FSTL4: variants seen among roughly 807,000 people sequenced by gnomAD.
FSTL4 encodes the protein follistatin-related protein 4.
FSTL4 carries 28 observed loss-of-function variants against 78.2 expected under a neutral mutation model. The ratio of observed to expected loss-of-function variants is 0.36; its 90% CI spans 0.27 to 0.49. The LOEUF (loss-of-function observed/expected upper bound fraction) is 0.49, where lower values mean the gene tolerates loss of function less well. Ranked by LOEUF, FSTL4 falls within the 20% of genes least tolerant of loss-of-function variation. FSTL4 has a pLI of 0.98. For missense variants in FSTL4, 922 were observed against 1,084.9 expected (o/e 0.85, Z 2.11); for synonymous variants, 422 against 440.5 (o/e 0.96, Z 0.53).
At chr5:133,533,993 T>C (rs1759305218) in intron 3 of FSTL4, among the ~76,000 whole-genome samples, 1 of 152,066 alleles carries the variant, frequency 6.6e-6, no homozygotes, top group Admixed American at 6.6e-5. Flanking sequence ...CCTAACATTC[T>C]CCTGCAGCAC....
At chr5:133,231,975 G>A (rs1353997956) in intron 8 of FSTL4, among the ~76,000 whole-genome samples, 2 of 152,220 alleles carry the variant, frequency 1.3e-5, no homozygotes, top group Non-Finnish European at 2.9e-5. Flanking sequence ...GCACAGTCAC[G>A]AAAGTAGCAT....
intron 3 of FSTL4, among the ~76,000 whole-genome samples, chr5:133,474,029 A>G (rs752436823): frequency 9.2e-5 from 14 of 152,136 alleles, no homozygotes; most frequent in Non-Finnish European, 1.6e-4. Flanking sequence ...AAACCATGTC[A>G]TCTTGCTACA....
intron 3 of FSTL4, among the ~76,000 whole-genome samples, chr5:133,441,785 C>T (rs1380265686): frequency 2.0e-5 from 3 of 152,218 alleles, no homozygotes; most frequent in Non-Finnish European, 4.4e-5. Context: ...GACACTGCTC[C>T]GCACATGGTA....
At chr5:133,464,826 T>C (rs1428470462) in intron 3 of FSTL4, among the ~76,000 whole-genome samples, 2 of 152,228 alleles carry the variant, frequency 1.3e-5, no homozygotes, top group Non-Finnish European at 2.9e-5. Context: ...ATGTATTTCA[T>C]ACAAAATATA....
the FSTL4 span, among the ~76,000 whole-genome samples, chr5:133,643,785 G>A: frequency 1.5e-4 from 23 of 152,314 alleles, no homozygotes; most frequent in African/African-American, 5.3e-4. Context: ...TGCCCTGAAG[G>A]GGGCATAGGC....
chr5:133,604,402 T>C (rs1760931981), intron 1 of FSTL4, among the ~76,000 whole-genome samples: 1 of 152,126 alleles, frequency 6.6e-6, no homozygotes, highest in Non-Finnish European at 1.5e-5. Context: ...GGCACACAAT[T>C]AGTGCTCGAG....
At chr5:133,531,953 C>G (rs58636747) in intron 3 of FSTL4, among the ~76,000 whole-genome samples, 43,965 of 151,880 alleles carry the variant, frequency 0.29, 6,465 homozygotes, top group Admixed American at 0.35. Context: ...AACGGCCCCA[C>G]AGATATCCAC....
chr5:133,570,674 A>T (rs900646523), intron 2 of FSTL4, among the ~76,000 whole-genome samples: 1 of 152,222 alleles, frequency 6.6e-6, no homozygotes, highest in East Asian at 1.9e-4. Flanking sequence ...ATAAAAAAGT[A>T]GCTTGTATGA....
At chr5:133,431,183 C>G (rs1400281623) in intron 3 of FSTL4, among the ~76,000 whole-genome samples, 2 of 152,174 alleles carry the variant, frequency 1.3e-5, no homozygotes, top group Non-Finnish European at 2.9e-5. Context: ...GTGTGGCCTT[C>G]TTATTTACCT....
chr5:133,600,179 T>G (rs911602599), intron 2 of FSTL4, among the ~76,000 whole-genome samples: 4 of 152,170 alleles, frequency 2.6e-5, no homozygotes, highest in African/African-American at 9.7e-5. Context: ...CAGTACAGTA[T>G]TCAATAAATT....
chr5:133,346,387 T>A (rs1322101423), intron 4 of FSTL4, among the ~76,000 whole-genome samples: 1 of 152,150 alleles, frequency 6.6e-6, no homozygotes, highest in Non-Finnish European at 1.5e-5. Flanking sequence ...TCTGCACACG[T>A]ATCCCAGAAC....
chr5:133,654,986 C>T, the FSTL4 span, among the ~76,000 whole-genome samples: 1 of 152,196 alleles, frequency 6.6e-6, no homozygotes, highest in African/African-American at 2.4e-5. Flanking sequence ...CTCCAGTCCC[C>T]ATCTTACTCC....
At chr5:133,296,164 C>T (rs750926001) in intron 6 of FSTL4, among the ~76,000 whole-genome samples, 1 of 152,174 alleles carries the variant, frequency 6.6e-6, no homozygotes, top group Non-Finnish European at 1.5e-5. Flanking sequence ...TGCCCAAAAC[C>T]CTGGAGTTAT....
intron 4 of FSTL4, among the ~76,000 whole-genome samples, chr5:133,374,922 C>T (rs149755784): frequency 1.0e-3 from 158 of 152,116 alleles, no homozygotes; most frequent in African/African-American, 3.8e-3. Flanking sequence ...GACTAAGCAC[C>T]CCTCATTTCA....
At chr5:133,419,302 T>G (rs895988071) in intron 3 of FSTL4, among the ~76,000 whole-genome samples, 1 of 152,122 alleles carries the variant, frequency 6.6e-6, no homozygotes, top group African/African-American at 2.4e-5. Context: ...GTATTTTTAG[T>G]AGAGACAGGG....
chr5:133,526,904 C>T (rs907991917), intron 3 of FSTL4, among the ~76,000 whole-genome samples: 2 of 152,128 alleles, frequency 1.3e-5, no homozygotes, highest in African/African-American at 4.8e-5. Context: ...CCTTCACCTC[C>T]AAAAGGCTCT....
the FSTL4 span, among the ~76,000 whole-genome samples, chr5:133,678,805 C>G: frequency 2.0e-5 from 3 of 152,128 alleles, no homozygotes; most frequent in Non-Finnish European, 4.4e-5. Context: ...TAGGAGAAAA[C>G]AGAGCCCAGG....
At chr5:133,780,155 G>A in the FSTL4 span, among the ~76,000 whole-genome samples, 2 of 152,106 alleles carry the variant, frequency 1.3e-5, no homozygotes, top group Non-Finnish European at 2.9e-5. Flanking sequence ...GCTATCTAGG[G>A]AAGGACAGCA....
intron 3 of FSTL4, among the ~76,000 whole-genome samples, chr5:133,428,157 C>T (rs1427031207): frequency 6.6e-6 from 1 of 152,204 alleles, no homozygotes; most frequent in Non-Finnish European, 1.5e-5. Flanking sequence ...CATTGCCATA[C>T]ACTTACACGA....
Sources: allele counts gnomAD v4.1 joint callset (sites outside exome capture counted in the v4.1 genomes callset), GRCh38; gene constraint gnomAD v4.1.1; transcripts MANE v1.5; gene names NCBI Gene and HGNC (gene_info 2026-07-23, HGNC 2026-07-21).